Variants in CCDC175 observed in about 807,000 individuals in gnomAD.
CCDC175 encodes the protein coiled-coil domain-containing protein 175.
A neutral mutation model predicts 114.6 loss-of-function variants in CCDC175; 100 were observed. The ratio of observed to expected loss-of-function variants is 0.87; its 90% CI spans 0.74 to 1.03. CCDC175 has a LOEUF of 1.03. Ranked by LOEUF, CCDC175 falls within the 50% of genes least tolerant of loss-of-function variation. The pLI is 0.00. For missense variants in CCDC175, 880 were observed against 917.8 expected (o/e 0.96, Z 0.53); for synonymous variants, 306 against 308.7 (o/e 0.99, Z 0.09).
At chr14:59,575,173 T>C (rs1897039392) in intron 1 of CCDC175, 145 bp from the exon 2 acceptor site, 2 of 497,214 alleles carry the variant, frequency 4.0e-6, no homozygotes, top group East Asian at 3.0e-5. Context: ...CTAATCTCTT[T>C]TGTACTTATT....
chr14:59,513,884 AC>A (rs776655472), intron 17 of CCDC175, among the ~76,000 whole-genome samples: 1 of 151,984 alleles, frequency 6.6e-6, no homozygotes, highest in African/African-American at 2.4e-5. Flanking sequence ...CACGTCCTTG[AC>A]CCCCGAGTAG....
Position 59,549,635 on chromosome 14 carries a change from G to A in CCDC175, c.1035+1720C>T, listed in dbSNP as rs149279053. ...CTTGGGAGGCTGAGGCAGGAGAATC[G>A]CTTGAACCCCAGAGGCAGAGGTTGC... On this transcript the variant is annotated intron_variant, in intron 8 of 19. Transcript: ENST00000537690. Among the ~76,000 whole-genome samples, 755 of 145,822 alleles carry A rather than the reference G, an allele frequency of 5.2e-3. 1 individual carries two copies. Among genetic ancestry groups the A allele is most frequent in the African/African-American group, 0.016 (659 of 40,348 alleles).
At chr14:59,525,968 C>G (rs1458527770) in intron 15 of CCDC175, among the ~76,000 whole-genome samples, 1 of 152,066 alleles carries the variant, frequency 6.6e-6, no homozygotes, top group African/African-American at 2.4e-5. Context: ...GTCCTGGAAC[C>G]AATCCCCCAT....
At chr14:59,540,649 T>C (rs1894722732) in intron 11 of CCDC175, 26 bp downstream of exon 11, 2 of 327,294 alleles carry the variant, frequency 6.1e-6, no homozygotes, top group Non-Finnish European at 8.2e-6. Context: ...ACAAATAAAC[T>C]TTTTTTTTTT....
chr14:59,505,321 G>A lies in CCDC175; in HGVS notation c.2306-6C>T, dbSNP rs1190427487. On this transcript the variant is annotated splice_polypyrimidine_tract_variant and splice_region_variant and intron_variant, in intron 19 of 19. Transcript: ENST00000537690. ...ACGAATGTGTTTCTTCTTCTCTGTA[G>A]GAATAAAAAATAAATATAAAAATTT... is the stretch of plus-strand genomic sequence containing the variant. 6.9e-7 allele frequency: 1 copy of A among 1,440,062 alleles called. No individual in the cohort carries two copies. The highest frequency in any genetic ancestry group is 1.4e-5 in the South Asian group (1 of 73,452). 89.2% of individuals were successfully genotyped at this position (1,440,062 alleles called of 1,614,324 possible).
At chr14:59,540,903 T>C (rs750264004) in intron 10 of CCDC175, among the ~76,000 whole-genome samples, 157 bp from the exon 11 acceptor site, 7 of 152,204 alleles carry the variant, frequency 4.6e-5, no homozygotes, top group Non-Finnish European at 8.8e-5. Context: ...GGCAGACTGA[T>C]AGACAATTGC....
At chr14:59,523,940 G>C (rs540266211) in intron 16 of CCDC175, among the ~76,000 whole-genome samples, 1 of 151,940 alleles carries the variant, frequency 6.6e-6, no homozygotes, top group African/African-American at 2.4e-5. Context: ...AGTGAGCCGA[G>C]ATCGTGCCAC....
chr14:59,573,790 T>C (rs961939396), intron 2 of CCDC175, among the ~76,000 whole-genome samples: 1 of 152,146 alleles, frequency 6.6e-6, no homozygotes, highest in African/African-American at 2.4e-5. Context: ...TTTTTGTATT[T>C]TTAGTAGAGA....
At chr14:59,514,003 T>C (rs916361001) in intron 17 of CCDC175, among the ~76,000 whole-genome samples, 4 of 152,176 alleles carry the variant, frequency 2.6e-5, no homozygotes, top group African/African-American at 9.7e-5. Flanking sequence ...ACATTTGATG[T>C]TCACCAATAT....
At chr14:59,536,163 C>T (rs1894384657) in intron 13 of CCDC175, among the ~76,000 whole-genome samples, 1 of 152,146 alleles carries the variant, frequency 6.6e-6, no homozygotes, top group Admixed American at 6.5e-5. Flanking sequence ...ACCCCTGGCA[C>T]TCCCCAGCTC....
chr14:59,572,193 T>C (rs1035519787), intron 3 of CCDC175, among the ~76,000 whole-genome samples: 1 of 152,152 alleles, frequency 6.6e-6, no homozygotes, highest in African/African-American at 2.4e-5. Context: ...AACTGACAAT[T>C]TGCAGATGAA....
chr14:59,514,205 A>G (rs1227133334), intron 17 of CCDC175, among the ~76,000 whole-genome samples: 1 of 152,228 alleles, frequency 6.6e-6, no homozygotes, highest in East Asian at 1.9e-4. Flanking sequence ...ATAAAACCAC[A>G]AAGATGGGGA....
chr14:59,549,737 GAAAAAGAAA>G (rs1244552828), intron 8 of CCDC175, among the ~76,000 whole-genome samples: 3 of 96,282 alleles, frequency 3.1e-5, no homozygotes, highest in Non-Finnish European at 7.2e-5. Context: ...AAAAGAAAAA[GAAAAAGAAA>G]AAAAAGAAAG....
chr14:59,564,545 T>G (rs1896411056), intron 5 of CCDC175: 1 of 156,860 alleles, frequency 6.4e-6, no homozygotes, highest in African/African-American at 2.4e-5. Flanking sequence ...GATGCAGTAG[T>G]TATCCCTCCC....
At chr14:59,546,085 A>G (rs1276158744) in intron 8 of CCDC175, among the ~76,000 whole-genome samples, 2 of 152,204 alleles carry the variant, frequency 1.3e-5, no homozygotes, top group Non-Finnish European at 2.9e-5. Context: ...TGAACAGTGG[A>G]TTGGATAAAG....
intron 17 of CCDC175, among the ~76,000 whole-genome samples, chr14:59,519,136 G>A (rs546444765): frequency 6.6e-6 from 1 of 152,192 alleles, no homozygotes; most frequent in South Asian, 2.1e-4. Context: ...CTTGGACACA[G>A]GAAGGGGAAC....
chr14:59,515,345 T>G (rs577665842), intron 17 of CCDC175, among the ~76,000 whole-genome samples: 87 of 152,336 alleles, frequency 5.7e-4, no homozygotes, highest in Non-Finnish European at 1.0e-3. Context: ...ATGGGCTAAA[T>G]GCTCCAATTA....
intron 19 of CCDC175, among the ~76,000 whole-genome samples, chr14:59,508,901 C>T (rs1892598742): frequency 1.3e-5 from 2 of 152,226 alleles, no homozygotes; most frequent in Non-Finnish European, 2.9e-5. Flanking sequence ...TTATAAGCTA[C>T]CCAGTGTACA....
chr14:59,554,294 ACT>A (rs920829034), intron 7 of CCDC175, among the ~76,000 whole-genome samples: 1 of 152,210 alleles, frequency 6.6e-6, no homozygotes, highest in Non-Finnish European at 1.5e-5. Flanking sequence ...TCAAACTAGA[ACT>A]CAGGATTAAG....
Sources: gnomAD v4.1 joint callset for allele counts (sites outside exome capture counted in the v4.1 genomes callset) on GRCh38, gnomAD v4.1.1 for gene constraint, MANE v1.5 for transcripts, NCBI Gene and HGNC (gene_info 2026-07-23, HGNC 2026-07-21) for gene names.